FMN1: variants seen among roughly 807,000 people sequenced by gnomAD.
FMN1 encodes formin 1, also known as formin-1.
FMN1 carries 110 observed loss-of-function variants against 132.4 expected under a neutral mutation model. That is an observed-to-expected ratio of 0.83 (90% CI 0.71 to 0.97). The LOEUF is 0.97. Among genes scored for constraint, FMN1 ranks in the 50% least tolerant of loss-of-function variants. The pLI is 0.00. For synonymous variants in FMN1, 722 were observed against 651.7 expected, an observed-to-expected ratio of 1.11 and a Z score of -1.64; for missense variants, 1,792 against 1,705.3, an observed-to-expected ratio of 1.05 and a Z score of -0.90.
chr15:32,932,629 T>A (rs1367448521), intron 9 of FMN1, among the ~76,000 whole-genome samples: 1 of 152,230 alleles, frequency 6.6e-6, no homozygotes, highest in Non-Finnish European at 1.5e-5. Context: ...GCCATCTGGT[T>A]CTGGGCTTTT....
intron 17 of FMN1, among the ~76,000 whole-genome samples, chr15:32,829,665 G>A (rs1405736778): frequency 1.3e-5 from 2 of 152,052 alleles, no homozygotes; most frequent in African/African-American, 4.8e-5. Context: ...GTATGGACTG[G>A]GCATATTGTC....
At chr15:33,181,270 T>C (rs1965690355) in intron 2 of FMN1, among the ~76,000 whole-genome samples, 2 of 152,212 alleles carry the variant, frequency 1.3e-5, no homozygotes, top group South Asian at 4.1e-4. Context: ...ATAGTTTTAC[T>C]TCTAAAAATT....
intron 9 of FMN1, among the ~76,000 whole-genome samples, chr15:32,955,365 A>T (rs139364419): frequency 6.6e-6 from 1 of 152,338 alleles, no homozygotes; most frequent in East Asian, 1.9e-4. Flanking sequence ...CAAAGCACTT[A>T]CAAGTTCACC....
intron 15 of FMN1, among the ~76,000 whole-genome samples, chr15:32,894,123 C>G (rs1009244267): frequency 3.3e-5 from 5 of 152,128 alleles, no homozygotes; most frequent in Admixed American, 6.6e-5. Flanking sequence ...ACTTATTACA[C>G]GTTTGTGAAT....
intron 7 of FMN1, among the ~76,000 whole-genome samples, chr15:32,971,514 C>T (rs1444972514): frequency 6.6e-6 from 1 of 152,096 alleles, no homozygotes; most frequent in African/African-American, 2.4e-5. Context: ...ATCTTCATTT[C>T]TCTCTCTCTT....
At chr15:33,043,522 G>C (rs1326698703) in intron 6 of FMN1, among the ~76,000 whole-genome samples, 6 of 152,190 alleles carry the variant, frequency 3.9e-5, no homozygotes, top group Admixed American at 3.9e-4. Context: ...CTGTGATTCT[G>C]GGGACTCCCT....
chr15:32,799,719 G>A (rs1169998757), intron 18 of FMN1, among the ~76,000 whole-genome samples: 1 of 152,102 alleles, frequency 6.6e-6, no homozygotes, highest in Admixed American at 6.5e-5. Context: ...TCCCAGCAAG[G>A]CTCACTGCAC....
At chr15:32,937,110 C>G (rs2061294125) in intron 9 of FMN1, among the ~76,000 whole-genome samples, 2 of 152,146 alleles carry the variant, frequency 1.3e-5, no homozygotes, top group African/African-American at 4.8e-5. Flanking sequence ...CTCACTTACT[C>G]TGCCCTGAGC....
intron 3 of FMN1, among the ~76,000 whole-genome samples, chr15:33,176,035 G>T (rs575846955): frequency 6.6e-6 from 1 of 152,140 alleles, no homozygotes; most frequent in African/African-American, 2.4e-5. Context: ...AGAAATAGTC[G>T]GTTAGAGGGC....
chr15:33,102,190 T>C (rs185182869), intron 4 of FMN1, among the ~76,000 whole-genome samples: 122 of 152,264 alleles, frequency 8.0e-4, no homozygotes, highest in African/African-American at 2.8e-3. Flanking sequence ...TCAGAGGTTT[T>C]CCCCTATATC....
intron 9 of FMN1, among the ~76,000 whole-genome samples, chr15:32,936,271 C>A (rs569061037): frequency 6.6e-6 from 1 of 152,118 alleles, no homozygotes; most frequent in African/African-American, 2.4e-5. Context: ...TCCCCTGTTT[C>A]TTTGTGTGCT....
chr15:33,087,372 C>T (rs558806858), intron 5 of FMN1, among the ~76,000 whole-genome samples: 2 of 152,144 alleles, frequency 1.3e-5, no homozygotes, highest in South Asian at 4.2e-4. Flanking sequence ...ATGGTGAAAC[C>T]CCATCTCTAC....
rs2056147954 is a variant in FMN1, at chr15:32,769,247, G to A, written c.*5063C>T. On this transcript the variant is annotated 3_prime_UTR_variant, in exon 21 of 21. Transcript: ENST00000616417. ...ATCACAGTATTGGTTAAGAGTCTTGGAACAAATAAGGATACTGAATTGGCT... is the reference window on the plus strand; with the variant it reads ...ATCACAGTATTGGTTAAGAGTCTTGAAACAAATAAGGATACTGAATTGGCT... 1 of 152,166 alleles carries A rather than the reference G, an allele frequency of 6.6e-6. No homozygotes were observed. Among genetic ancestry groups the A allele is most frequent in the Non-Finnish European group, 1.5e-5 (1 of 68,034 alleles). The allele number at this position is 152,166 out of a possible 1,614,324, so 9.4% of individuals were successfully genotyped here.
intron 9 of FMN1, among the ~76,000 whole-genome samples, chr15:32,941,635 T>G (rs2140443384): frequency 6.6e-6 from 1 of 152,346 alleles, no homozygotes; most frequent in East Asian, 1.9e-4. Context: ...TTACCTGATG[T>G]GTAATAATCC....
intron 4 of FMN1, among the ~76,000 whole-genome samples, chr15:33,122,464 G>A (rs1352002809): frequency 6.6e-6 from 1 of 152,164 alleles, no homozygotes. Flanking sequence ...AGTACACATT[G>A]GCTCATCCTT....
intron 7 of FMN1, among the ~76,000 whole-genome samples, chr15:32,992,767 A>T (rs2033516054): frequency 1.3e-5 from 2 of 152,168 alleles, no homozygotes; most frequent in African/African-American, 4.8e-5. Flanking sequence ...GAATAAGAAG[A>T]CAATTTTATT....
chr15:33,044,290 G>A (rs1253003478), intron 6 of FMN1, among the ~76,000 whole-genome samples: 2 of 152,202 alleles, frequency 1.3e-5, no homozygotes, highest in Non-Finnish European at 2.9e-5. Flanking sequence ...GGTGAAAAGG[G>A]GTAGGTCCCT....
At chr15:32,907,498 C>T (rs1317560509) in intron 12 of FMN1, among the ~76,000 whole-genome samples, 1 of 151,996 alleles carries the variant, frequency 6.6e-6, no homozygotes, top group Non-Finnish European at 1.5e-5. Flanking sequence ...GCTGTGTGGC[C>T]TGGTTCCTAA....
intron 17 of FMN1, among the ~76,000 whole-genome samples, chr15:32,851,613 C>T (rs1364140183): frequency 6.6e-6 from 1 of 152,082 alleles, no homozygotes; most frequent in African/African-American, 2.4e-5. Flanking sequence ...AGTTTGCAAC[C>T]CCGCCAAGTG....
Sources: allele counts gnomAD v4.1 joint callset (sites outside exome capture counted in the v4.1 genomes callset), GRCh38; gene constraint gnomAD v4.1.1; transcripts MANE v1.5; gene names NCBI Gene and HGNC (gene_info 2026-07-23, HGNC 2026-07-21).